The following THRAP3 variants were observed in gnomAD, a reference collection of about 807,000 sequenced individuals.
THRAP3 encodes thyroid hormone receptor-associated protein 3.
Under a neutral mutation model 101.0 loss-of-function variants are expected in THRAP3, and 16 were observed. The observed-to-expected ratio is 0.16, with a 90% CI of 0.11 to 0.24. The LOEUF (loss-of-function observed/expected upper bound fraction) is 0.24. Among genes scored for constraint, THRAP3 ranks in the 10% least tolerant of loss-of-function variants. The pLI is 1.00. For missense variants in THRAP3, 989 were observed against 1,202.7 expected (o/e 0.82, Z 2.63); for synonymous variants, 407 against 422.6 (o/e 0.96, Z 0.45).
intron 8 of THRAP3, 89 bp downstream of exon 8, chr1:36,294,024 A>G: frequency 6.5e-7 from 1 of 1,548,202 alleles, no homozygotes; most frequent in Non-Finnish European, 8.8e-7. Context: ...ATTACTCTCT[A>G]CTTAAGTTTG....
chr1:36,239,852 G>C (rs1231869298), intron 1 of THRAP3, among the ~76,000 whole-genome samples: 1 of 151,886 alleles, frequency 6.6e-6, no homozygotes, highest in Non-Finnish European at 1.5e-5. Flanking sequence ...CTTTTTTCGT[G>C]GTAAAATATG....
Position 36,292,645 on chromosome 1 carries a change from A to G in THRAP3, c.1966A>G (p.Lys656Glu). 3 of 1,613,798 alleles carry G rather than the reference A, an allele frequency of 1.9e-6. No individual in the cohort carries two copies. The highest frequency in any genetic ancestry group is 2.5e-6 in the Non-Finnish European group (3 of 1,179,862). Residue 656 changes from lysine to glutamate, a missense_variant, in exon 7 of 12, where the codon AAA (lysine) becomes GAA (glutamate). By Grantham distance (56) the Lys-to-Glu change is moderately conservative. Transcript: ENST00000354618. ...SGMTLHERFT[K>E]YLKRGTEQEA... ...AATGACATTACATGAACGCTTTACT[A>G]AATACCTAAAGAGAGGAACTGAGCA...
Position 36,287,098 on chromosome 1 carries a change from G to A in THRAP3, c.868G>A (p.Gly290Ser). Residue 290 changes from glycine to serine, a missense_variant, in exon 4 of 12, where the codon GGT becomes AGT. By Grantham distance (56) the Gly-to-Ser change is moderately conservative. Coordinates refer to ENST00000354618, the MANE Select transcript of THRAP3 (RefSeq NM_005119.4). ...CCAGATGGGCTCAACTCTGCCGAGT[G>A]GTGCCGGGTATCAGTCTGGGACACA... ...TSQMGSTLPSGAGYQSGTHQG... is the reference protein window; with the variant it reads ...TSQMGSTLPSSAGYQSGTHQG... 6.2e-7 allele frequency: 1 copy of A among 1,614,160 alleles called. No individual in the cohort carries two copies. The highest frequency in any genetic ancestry group is 8.5e-7 in the Non-Finnish European group (1 of 1,180,018).
the THRAP3 span, among the ~76,000 whole-genome samples, chr1:36,217,090 AAATG>A: frequency 5.9e-5 from 9 of 152,200 alleles, no homozygotes; most frequent in African/African-American, 1.7e-4. Context: ...TGTGCCCACC[AAATG>A]AATGAAGTGA....
At chr1:36,262,402 GATATAGTA>G (rs1645457611) in intron 2 of THRAP3, among the ~76,000 whole-genome samples, 1 of 152,150 alleles carries the variant, frequency 6.6e-6, no homozygotes, top group Middle Eastern at 3.2e-3. Context: ...ACAAAACAGT[GATATAGTA>G]ATATAAAACA....
intron 5 of THRAP3, among the ~76,000 whole-genome samples, chr1:36,290,790 A>G (rs939511620): frequency 2.6e-5 from 4 of 152,144 alleles, no homozygotes; most frequent in African/African-American, 7.2e-5. Flanking sequence ...AAGGAAGGCA[A>G]TACATCTACC....
At chr1:36,302,781 T>C (rs1008349862) in intron 11 of THRAP3, among the ~76,000 whole-genome samples, 2 of 152,194 alleles carry the variant, frequency 1.3e-5, no homozygotes, top group Non-Finnish European at 2.9e-5. Flanking sequence ...GATCCCTCCT[T>C]CTGTCTCATG....
At chr1:36,229,423 GTTTTTTTT>G (rs35936037) in intron 1 of THRAP3, among the ~76,000 whole-genome samples, 1 of 38,942 alleles carries the variant, frequency 2.6e-5, no homozygotes, top group South Asian at 9.4e-4. Flanking sequence ...TTTTTTTTTT[GTTTTTTTT>G]TTTTTGAGAA....
intron 2 of THRAP3, among the ~76,000 whole-genome samples, chr1:36,278,406 T>A (rs1004208895): frequency 6.6e-6 from 1 of 152,256 alleles, no homozygotes; most frequent in Non-Finnish European, 1.5e-5. Flanking sequence ...TAAATTTTTT[T>A]AAACACAATT....
intron 5 of THRAP3, 79 bp downstream of exon 5, chr1:36,289,843 C>T (rs116558508): frequency 6.7e-7 from 1 of 1,495,244 alleles, no homozygotes; most frequent in African/African-American, 1.4e-5. Context: ...TGGGGACATT[C>T]TGCTGTATTC....
chr1:36,218,243 C>T, the THRAP3 span, among the ~76,000 whole-genome samples: 5 of 151,172 alleles, frequency 3.3e-5, no homozygotes, highest in Non-Finnish European at 5.9e-5. Context: ...GTGGCAGGCA[C>T]CTGTAGTCCC....
chr1:36,301,908 G>A (rs946787568), intron 11 of THRAP3, among the ~76,000 whole-genome samples: 1 of 152,240 alleles, frequency 6.6e-6, no homozygotes, highest in Admixed American at 6.5e-5. Flanking sequence ...GAAGATGTTT[G>A]TGGATTCCAA....
intron 6 of THRAP3, among the ~76,000 whole-genome samples, chr1:36,292,057 G>A (rs1557453307): frequency 6.6e-6 from 1 of 151,944 alleles, no homozygotes; most frequent in East Asian, 1.9e-4. Context: ...TAAGCTTCAA[G>A]TTTCTCTGTC....
intron 11 of THRAP3, 129 bp from the exon 12 acceptor site, chr1:36,303,667 A>G: frequency 1.4e-6 from 2 of 1,416,720 alleles, no homozygotes; most frequent in East Asian, 2.4e-5. Flanking sequence ...AGAAGTGCAG[A>G]AAAGGATCAA....
chr1:36,213,962 GGAA>G, the THRAP3 span, among the ~76,000 whole-genome samples: 1 of 69,582 alleles, frequency 1.4e-5, no homozygotes, highest in Non-Finnish European at 2.8e-5. Flanking sequence ...AAAGAAAGAA[GGAA>G]AGAGAAAGAA....
At chr1:36,289,857 CTT>C in intron 5 of THRAP3, 93 bp downstream of exon 5, 1 of 1,461,314 alleles carries the variant, frequency 6.8e-7, no homozygotes, top group Non-Finnish European at 9.1e-7. Context: ...TGTATTCCCC[CTT>C]CTGTCTTAAG....
chr1:36,283,455 TAAG>T (rs777351469), intron 3 of THRAP3, among the ~76,000 whole-genome samples: 4 of 152,228 alleles, frequency 2.6e-5, no homozygotes, highest in Admixed American at 2.0e-4. Flanking sequence ...TGTGGATAGA[TAAG>T]AAGCTTTCAG....
chr1:36,299,134 G>A (rs1194353998), intron 9 of THRAP3, among the ~76,000 whole-genome samples: 1 of 151,532 alleles, frequency 6.6e-6, no homozygotes, highest in East Asian at 2.0e-4. Flanking sequence ...TTACCCAGGT[G>A]ACACAGCTAA....
At position 36,224,515 on chromosome 1, in the gene THRAP3, C is replaced by T; in HGVS notation, c.-135+10C>T. On this transcript the variant is annotated intron_variant, in intron 1 of 11. Coordinates refer to ENST00000354618, the MANE Select transcript of THRAP3 (RefSeq NM_005119.4). Reference sequence around the variant, plus strand: ...TCTGTGGTAGGCCCAGGTGAGTGAGCGCCTCTGATGGAAGTTAGGGCAGCT... The same window carrying T: ...TCTGTGGTAGGCCCAGGTGAGTGAGTGCCTCTGATGGAAGTTAGGGCAGCT... 6.6e-6 allele frequency: 1 copy of T among 152,626 alleles called. No homozygotes were observed. 9.5% of individuals were successfully genotyped at this position (152,626 alleles called of 1,614,324 possible).
Sources: allele counts gnomAD v4.1 joint callset (sites outside exome capture counted in the v4.1 genomes callset), GRCh38; gene constraint gnomAD v4.1.1; transcripts MANE v1.5; gene names NCBI Gene and HGNC (gene_info 2026-07-23, HGNC 2026-07-21).